The following EML4 variants were observed in gnomAD, a reference collection of about 807,000 sequenced individuals.
EML4 encodes EMAP like 4.
In EML4, 72 loss-of-function variants were observed where a neutral mutation model predicts 129.0. That is an observed-to-expected ratio of 0.56 (90% CI 0.46 to 0.68). The LOEUF is 0.68. Ranked by LOEUF, EML4 falls within the 30% of genes least tolerant of loss-of-function variation. The pLI, the probability that EML4 is intolerant of heterozygous loss-of-function variation, is 0.00. For synonymous variants in EML4, 532 were observed against 405.0 expected, an observed-to-expected ratio of 1.31 and a Z score of -3.77; for missense variants, 1,363 against 1,190.6, an observed-to-expected ratio of 1.14 and a Z score of -2.13.
intron 6 of EML4, among the ~76,000 whole-genome samples, chr2:42,270,739 C>T (rs1018390526): frequency 7.2e-5 from 11 of 152,092 alleles, no homozygotes; most frequent in Non-Finnish European, 1.0e-4. Flanking sequence ...AGCCTTTAAT[C>T]GAACTACAGA....
chr2:42,195,817 G>C (rs1671867453), intron 1 of EML4, among the ~76,000 whole-genome samples: 1 of 152,142 alleles, frequency 6.6e-6, no homozygotes, highest in Non-Finnish European at 1.5e-5. Context: ...TGGAGCATCA[G>C]GTTATTGGAG....
At chr2:42,180,107 T>C (rs1670845425) in intron 1 of EML4, among the ~76,000 whole-genome samples, 1 of 152,160 alleles carries the variant, frequency 6.6e-6, no homozygotes, top group African/African-American at 2.4e-5. Context: ...ATGAAAAGTT[T>C]AAAAAAATTG....
chr2:42,261,008 G>A, intron 3 of EML4, 113 bp from the exon 4 acceptor site: 1 of 756,238 alleles, frequency 1.3e-6, no homozygotes, highest in East Asian at 2.5e-5. Context: ...AGTGCAAATT[G>A]TATTAGCTGT....
intron 1 of EML4, among the ~76,000 whole-genome samples, chr2:42,240,635 A>G (rs1274889357): frequency 6.6e-6 from 1 of 152,222 alleles, no homozygotes; most frequent in East Asian, 1.9e-4. Context: ...ATTACAGCTT[A>G]TTTAACCTCA....
chr2:42,315,265 C>T (rs929796105), intron 17 of EML4, among the ~76,000 whole-genome samples: 2 of 152,192 alleles, frequency 1.3e-5, no homozygotes, highest in Non-Finnish European at 2.9e-5. Context: ...ATGAGTTCCT[C>T]TGTTATATTG....
chr2:42,232,703 G>A (rs1305150881), intron 1 of EML4, among the ~76,000 whole-genome samples: 2 of 151,996 alleles, frequency 1.3e-5, no homozygotes, highest in African/African-American at 4.8e-5. Flanking sequence ...CTACTTTTCT[G>A]TAAAGGCCTT....
chr2:42,325,489 AC>A lies in EML4; in HGVS notation c.2179del (p.Asp728ThrfsTer9). ...RCTGHSSYIT[H>X]LDWSPDNKYI... ...TAGGGACATTCCAGCTACATCACAC[AC>A]CTTGACTGGTCCCCAGACAACAAGT... On this transcript the variant is annotated frameshift_variant, in exon 20 of 23. Transcript: ENST00000318522. LOFTEE classifies it high-confidence loss of function. 1 of 1,574,784 alleles carries A rather than the reference AC, an allele frequency of 6.4e-7. No homozygotes were observed. Among genetic ancestry groups the A allele is most frequent in the Non-Finnish European group, 8.7e-7 (1 of 1,149,722 alleles).
intron 11 of EML4, among the ~76,000 whole-genome samples, chr2:42,293,489 A>T (rs1667769761): frequency 6.6e-6 from 1 of 152,230 alleles, no homozygotes; most frequent in African/African-American, 2.4e-5. Context: ...TGTAAAACTC[A>T]TGGAAATATT....
intron 13 of EML4, among the ~76,000 whole-genome samples, chr2:42,296,142 C>T (rs1202556349): frequency 6.6e-6 from 1 of 152,022 alleles, no homozygotes; most frequent in African/African-American, 2.4e-5. Context: ...TTTTTCGTTA[C>T]TATTTAAGAA....
At position 42,278,300 on chromosome 2, in the gene EML4, C is replaced by T. The variant is rs967693728; in HGVS notation, c.668-2550C>T. On this transcript the variant is annotated intron_variant, in intron 6 of 22. Coordinates refer to ENST00000318522, the MANE Select transcript of EML4 (RefSeq NM_019063.5). ...ACTAAGAAACAATTGCGGCCGCATGCGGTGGCTCACACAGGTAATCCCAGC... is the reference window on the plus strand; with the variant it reads ...ACTAAGAAACAATTGCGGCCGCATGTGGTGGCTCACACAGGTAATCCCAGC... Among the ~76,000 whole-genome samples, 5 of 152,150 alleles carry T rather than the reference C, an allele frequency of 3.3e-5. No homozygotes were observed. The South Asian group carries it at 1.0e-3, about 32-fold the overall frequency.
At chr2:42,244,551 A>C (rs1183892718) in intron 1 of EML4, among the ~76,000 whole-genome samples, 1 of 152,198 alleles carries the variant, frequency 6.6e-6, no homozygotes, top group Non-Finnish European at 1.5e-5. Flanking sequence ...TACATACCTA[A>C]GGCAAATATT....
At chr2:42,310,193 A>G (rs942002585) in intron 17 of EML4, among the ~76,000 whole-genome samples, 7 of 152,188 alleles carry the variant, frequency 4.6e-5, no homozygotes, top group African/African-American at 1.2e-4. Flanking sequence ...AAATATGTAT[A>G]TATATCTGTG....
intron 2 of EML4, 143 bp downstream of exon 2, chr2:42,245,830 A>G (rs1572620081): frequency 1.4e-6 from 1 of 699,588 alleles, no homozygotes; most frequent in Non-Finnish European, 2.2e-6. Flanking sequence ...TAATTCCCAA[A>G]AAGTTCTGAA....
intron 1 of EML4, among the ~76,000 whole-genome samples, chr2:42,211,644 C>T (rs1672892385): frequency 6.6e-6 from 1 of 152,086 alleles, no homozygotes; most frequent in Admixed American, 6.5e-5. Flanking sequence ...AAACTTTATC[C>T]TTCCCGGAAG....
intron 1 of EML4, among the ~76,000 whole-genome samples, chr2:42,232,818 G>A (rs1203065807): frequency 1.3e-5 from 2 of 152,034 alleles, no homozygotes; most frequent in Non-Finnish European, 2.9e-5. Context: ...TCCGCCTCCC[G>A]AGTTCATGCC....
intron 17 of EML4, 71 bp downstream of exon 17, chr2:42,304,622 A>G (rs902037631): frequency 1.5e-4 from 176 of 1,144,232 alleles, no homozygotes; most frequent in Non-Finnish European, 2.2e-4. Flanking sequence ...AATGTTCTCA[A>G]TCTGATCTGG....
chr2:42,289,394 C>A (rs1667493440), intron 11 of EML4: 1 of 152,194 alleles, frequency 6.6e-6, no homozygotes, highest in African/African-American at 2.4e-5. Flanking sequence ...TCCACTGATA[C>A]TATATGCTGC....
chr2:42,191,750 C>A (rs1671594693), intron 1 of EML4, among the ~76,000 whole-genome samples: 2 of 152,204 alleles, frequency 1.3e-5, no homozygotes, highest in African/African-American at 2.4e-5. Context: ...ATCACCACCT[C>A]AAACTGAATT....
chr2:42,329,173 G>A (rs1209577592), intron 22 of EML4, among the ~76,000 whole-genome samples, 157 bp downstream of exon 22: 1 of 152,208 alleles, frequency 6.6e-6, no homozygotes, highest in Non-Finnish European at 1.5e-5. Context: ...TCCAGGCAGT[G>A]CTTGTCTTCT....
Sources: gnomAD v4.1 joint callset for allele counts (sites outside exome capture counted in the v4.1 genomes callset) on GRCh38, gnomAD v4.1.1 for gene constraint, MANE v1.5 for transcripts, NCBI Gene and HGNC (gene_info 2026-07-23, HGNC 2026-07-21) for gene names.